VPS41: variants seen among roughly 807,000 people sequenced by gnomAD.
The protein encoded by VPS41 is VPS41 subunit of HOPS complex, also known as vacuolar protein sorting-associated protein 41 homolog.
A neutral mutation model predicts 130.9 loss-of-function variants in VPS41; 85 were observed. The ratio of observed to expected loss-of-function variants is 0.65; its 90% confidence interval spans 0.55 to 0.78. The LOEUF (loss-of-function observed/expected upper bound fraction) is 0.78. VPS41 is among the 30% of genes least tolerant of loss of function. The probability of loss-of-function intolerance (pLI) is 0.00; values close to 1 mark genes in which losing one functional copy is unlikely to be tolerated. For missense variants in VPS41, 874 were observed against 1,018.7 expected (o/e 0.86, Z 1.93); for synonymous variants, 335 against 332.9 (o/e 1.01, Z -0.07).
chr7:38,770,184 G>A (rs571009098), intron 14 of VPS41, among the ~76,000 whole-genome samples: 55 of 151,526 alleles, frequency 3.6e-4, no homozygotes, highest in Middle Eastern at 3.4e-3. Context: ...CAGGAGAATC[G>A]CTTGAACCCA....
chr7:38,851,137 C>T (rs1050120697), intron 4 of VPS41, among the ~76,000 whole-genome samples: 1 of 152,152 alleles, frequency 6.6e-6, no homozygotes, highest in African/African-American at 2.4e-5. Context: ...GGTTCCTGGG[C>T]AACTTAAAGC....
At chr7:38,906,540 T>C (rs1403344566) in intron 1 of VPS41, among the ~76,000 whole-genome samples, 1 of 152,162 alleles carries the variant, frequency 6.6e-6, no homozygotes, top group Non-Finnish European at 1.5e-5. Flanking sequence ...GGTTTTGCTA[T>C]GTTGCCCAGG....
intron 3 of VPS41, among the ~76,000 whole-genome samples, chr7:38,865,025 C>A (rs538117203): frequency 6.6e-6 from 1 of 152,090 alleles, no homozygotes; most frequent in East Asian, 1.9e-4. Context: ...TTGGACAATG[C>A]AAAGGAAACA....
At chr7:38,804,916 A>G (rs1784809398) in intron 7 of VPS41, among the ~76,000 whole-genome samples, 1 of 152,262 alleles carries the variant, frequency 6.6e-6, no homozygotes, top group Non-Finnish European at 1.5e-5. Context: ...CTGGCTGTTC[A>G]TACCAAACAC....
intron 22 of VPS41, among the ~76,000 whole-genome samples, chr7:38,746,922 G>A (rs1420489040): frequency 6.6e-6 from 1 of 152,118 alleles, no homozygotes; most frequent in East Asian, 1.9e-4. Flanking sequence ...CGAACAAGAG[G>A]AAGGAGCCCC....
chr7:38,789,781 G>A lies in VPS41; in HGVS notation c.784+20C>T. 6.2e-7 allele frequency: 1 copy of A among 1,612,616 alleles called. No individual in the cohort carries two copies. The highest frequency in any genetic ancestry group is 1.1e-5 in the South Asian group (1 of 90,954). ...TGAATGAAGTTTTACATCCACAGAAGGCAAGTGTTGGAGCCATACCTATTT... is the reference window on the plus strand; with the variant it reads ...TGAATGAAGTTTTACATCCACAGAAAGCAAGTGTTGGAGCCATACCTATTT... On this transcript the variant is annotated intron_variant, in intron 10 of 28. Coordinates refer to ENST00000310301, the MANE Select transcript of VPS41 (RefSeq NM_014396.4).
chr7:38,742,355 T>C (rs1795898663), intron 24 of VPS41, among the ~76,000 whole-genome samples: 1 of 152,136 alleles, frequency 6.6e-6, no homozygotes, highest in Admixed American at 6.5e-5. Flanking sequence ...ATAAGAACTG[T>C]TTTAAAACAG....
chr7:38,771,293 A>AT, intron 13 of VPS41, 39 bp from the exon 14 acceptor site: 1 of 1,475,212 alleles, frequency 6.8e-7, no homozygotes, highest in Non-Finnish European at 9.3e-7. Flanking sequence ...AAAAAAAAAA[A>AT]AGCAGAAAAG....
intron 4 of VPS41, among the ~76,000 whole-genome samples, chr7:38,859,362 A>G (rs1007671954): frequency 2.6e-5 from 4 of 152,104 alleles, no homozygotes; most frequent in Admixed American, 2.0e-4. Flanking sequence ...AGTAGTGTAC[A>G]CTACTGTCCT....
intron 7 of VPS41, among the ~76,000 whole-genome samples, chr7:38,807,899 G>C (rs1784870559): frequency 6.6e-6 from 1 of 152,142 alleles, no homozygotes; most frequent in Non-Finnish European, 1.5e-5. Flanking sequence ...TTAAGAATAA[G>C]CACAGGACTC....
In VPS41 at chr7:38,726,096, T is replaced by A. The variant is rs975857104; in HGVS notation, c.*150A>T. The A allele has an allele frequency of 6.6e-6, 4 of 604,334 alleles. No homozygotes were observed. The Admixed American group carries it at 1.2e-4, about 18-fold the overall frequency. The allele number at this position is 604,334 out of a possible 1,614,324, so 37.4% of individuals were successfully genotyped here. ...CTCTGTGAACTGCAAAGAGAAACCA[T>A]TAGTACAGGAATAGATGAAGAAATT... On this transcript the variant is annotated 3_prime_UTR_variant, in exon 29 of 29. Transcript: ENST00000310301.
chr7:38,842,580 C>T (rs995685690), intron 4 of VPS41, among the ~76,000 whole-genome samples: 2 of 152,184 alleles, frequency 1.3e-5, no homozygotes. Flanking sequence ...CACTGCGTGG[C>T]TCCACCTATC....
intron 6 of VPS41, among the ~76,000 whole-genome samples, chr7:38,819,057 CT>C (rs1178174533): frequency 4.6e-5 from 7 of 152,224 alleles, no homozygotes; most frequent in East Asian, 3.9e-4. Flanking sequence ...AACTCTCCCC[CT>C]AGCTCTCTCG....
At chr7:38,804,507 T>G (rs73113701) in intron 7 of VPS41, among the ~76,000 whole-genome samples, 1 of 152,178 alleles carries the variant, frequency 6.6e-6, no homozygotes, top group African/African-American at 2.4e-5. Context: ...GAAACCTATA[T>G]AGACAGACCA....
At chr7:38,814,602 A>G (rs1172619274) in intron 7 of VPS41, among the ~76,000 whole-genome samples, 1 of 152,160 alleles carries the variant, frequency 6.6e-6, no homozygotes, top group African/African-American at 2.4e-5. Context: ...GCGAGCCGAG[A>G]TCGCGCCACT....
rs17700172 is a variant in VPS41 at position 38,724,986 on chromosome 7, T to C, written c.*1260A>G. The C allele has an allele frequency of 0.27, 41,471 of 152,120 alleles. 6,836 individuals are homozygous for C. The highest frequency in any genetic ancestry group is 0.51 in the South Asian group (2,435 of 4,820). 9.4% of individuals were successfully genotyped at this position (152,120 alleles called of 1,614,324 possible). A position where few individuals can be genotyped will look rare whatever the true frequency, so the allele number is the denominator to read the frequency against. On this transcript the variant is annotated 3_prime_UTR_variant, in exon 29 of 29. Transcript: ENST00000310301. ...CAACATCTCTACATTTTGCTTTCTT[T>C]ATCTGTAAACCTAGGTTTATCAGAT...
chr7:38,736,523 G>GACA (rs1223443253), intron 25 of VPS41, among the ~76,000 whole-genome samples: 1 of 152,240 alleles, frequency 6.6e-6, no homozygotes, highest in Non-Finnish European at 1.5e-5. Context: ...CTCTTTAAAA[G>GACA]ACAACAGTTG....
chr7:38,739,729 C>T lies in VPS41; in HGVS notation c.2259+2256G>A, dbSNP rs1457877611. Among the ~76,000 whole-genome samples the T allele has an allele frequency of 3.3e-5, 5 of 152,308 alleles. No homozygotes were observed. The East Asian group carries it at 5.8e-4, about 18-fold the overall frequency. ...CTGCCTTCCCTGTTCATCTCTCCCT[C>T]ACCCTCTGAGAAGCCACCCCTTGGT... On this transcript the variant is annotated intron_variant, in intron 25 of 28. Coordinates refer to ENST00000310301, the MANE Select transcript of VPS41 (RefSeq NM_014396.4).
intron 7 of VPS41, among the ~76,000 whole-genome samples, chr7:38,799,539 T>C (rs1020804352): frequency 2.0e-5 from 3 of 152,104 alleles, no homozygotes; most frequent in Admixed American, 6.6e-5. Flanking sequence ...AAACATTTCA[T>C]TGAGGGATAC....
Sources: allele counts gnomAD v4.1 joint callset (sites outside exome capture counted in the v4.1 genomes callset), GRCh38; gene constraint gnomAD v4.1.1; transcripts MANE v1.5; gene names NCBI Gene and HGNC (gene_info 2026-07-23, HGNC 2026-07-21).